UPP2: variants seen among roughly 807,000 people sequenced by gnomAD.
The protein encoded by UPP2 is UPase 2.
Under a neutral mutation model 26.7 loss-of-function variants are expected in UPP2, and 23 were observed. The ratio of observed to expected loss-of-function variants is 0.86; its 90% CI spans 0.62 to 1.22. UPP2 has a LOEUF of 1.22. Ranked by LOEUF, UPP2 falls within the 50% of genes most tolerant of loss-of-function variation. The pLI is 0.00. For missense variants in UPP2, 387 were observed against 396.7 expected, an observed-to-expected ratio of 0.98 and a Z score of 0.21; for synonymous variants, 127 against 141.3, an observed-to-expected ratio of 0.90 and a Z score of 0.72.
chr2:158,087,136 C>G (rs1682830313), intron 3 of UPP2, among the ~76,000 whole-genome samples: 1 of 152,056 alleles, frequency 6.6e-6, no homozygotes, highest in African/African-American at 2.4e-5. Flanking sequence ...TTTCTTAGGT[C>G]TAATAGTAAT....
intron 2 of UPP2, among the ~76,000 whole-genome samples, chr2:158,111,251 T>C (rs944681890): frequency 2.1e-4 from 32 of 152,158 alleles, no homozygotes; most frequent in African/African-American, 7.0e-4. Context: ...TTTCTGACAG[T>C]TTTTGCTTTA....
intron 3 of UPP2, among the ~76,000 whole-genome samples, chr2:158,064,523 C>T (rs1682404925): frequency 8.9e-5 from 1 of 11,290 alleles, no homozygotes; most frequent in South Asian, 1.5e-3. Context: ...AAAATTTTCT[C>T]CCATTCTGTG....
At chr2:158,127,874 T>C (rs1433707372) in intron 6 of UPP2, 1 of 410,538 alleles carries the variant, frequency 2.4e-6, no homozygotes, top group South Asian at 1.0e-4. Context: ...CAGCATAATG[T>C]AAACCTGTTC....
chr2:158,079,856 C>T (rs1287115923), intron 3 of UPP2, among the ~76,000 whole-genome samples: 1 of 152,088 alleles, frequency 6.6e-6, no homozygotes, highest in Admixed American at 6.6e-5. Flanking sequence ...AAATGTAAAG[C>T]TAACTGTATT....
chr2:158,060,324 G>A (rs1269435653), intron 3 of UPP2, among the ~76,000 whole-genome samples: 1 of 152,134 alleles, frequency 6.6e-6, no homozygotes, highest in African/African-American at 2.4e-5. Context: ...TGTCATTTTA[G>A]GTTATTGTGG....
chr2:158,059,554 C>T (rs1250338323), intron 3 of UPP2, among the ~76,000 whole-genome samples: 1 of 152,190 alleles, frequency 6.6e-6, no homozygotes, highest in Admixed American at 6.5e-5. Flanking sequence ...CAAACTTAAG[C>T]ACCTTGCTGG....
chr2:158,055,346 C>T (rs1682230494), intron 3 of UPP2, among the ~76,000 whole-genome samples: 2 of 152,160 alleles, frequency 1.3e-5, no homozygotes, highest in Non-Finnish European at 2.9e-5. Context: ...AGGGCAGAGC[C>T]CTCACCACCC....
chr2:158,035,670 C>A (rs1683990247), intron 3 of UPP2, among the ~76,000 whole-genome samples: 1 of 152,200 alleles, frequency 6.6e-6, no homozygotes, highest in Non-Finnish European at 1.5e-5. Flanking sequence ...TGGGTGTTAT[C>A]AGTTTCTTAC....
intron 2 of UPP2, among the ~76,000 whole-genome samples, chr2:158,108,743 C>A (rs74748580): frequency 2.2e-4 from 34 of 152,200 alleles, no homozygotes; most frequent in African/African-American, 7.5e-4. Flanking sequence ...CACTATCCAA[C>A]CTTATACATT....
chr2:158,006,527 C>T (rs1022434373), intron 2 of UPP2, among the ~76,000 whole-genome samples: 1 of 143,322 alleles, frequency 7.0e-6, no homozygotes, highest in African/African-American at 2.6e-5. Flanking sequence ...TGAAGCAGAA[C>T]ACTCAACATC....
chr2:158,061,973 C>T (rs1033404130), intron 3 of UPP2, among the ~76,000 whole-genome samples: 2 of 152,242 alleles, frequency 1.3e-5, no homozygotes, highest in African/African-American at 4.8e-5. Flanking sequence ...ATCCCTCAGA[C>T]CAAAGCCTGT....
chr2:158,080,804 G>A lies in UPP2; in HGVS notation c.148-21236G>A, dbSNP rs547864981. Among the ~76,000 whole-genome samples, 14 of 152,268 alleles carry A rather than the reference G, an allele frequency of 9.2e-5. No individual in the cohort carries two copies. The South Asian group carries it at 1.7e-3, about 18-fold the overall frequency. On this transcript the variant is annotated intron_variant, in intron 3 of 9. Transcript: ENST00000605860. ...AAGAAGGGATTAAGACAAAGTAGGG[G>A]AGGATTAGAATTAGTGTGGAACATC...
intron 2 of UPP2, among the ~76,000 whole-genome samples, 189 bp from the exon 3 acceptor site, chr2:158,114,912 C>T (rs1255465238): frequency 6.6e-6 from 1 of 152,192 alleles, no homozygotes; most frequent in Non-Finnish European, 1.5e-5. Context: ...GTGCAAAAAA[C>T]TTTGCATCTG....
At chr2:158,070,564 G>A (rs1682522020) in intron 3 of UPP2, among the ~76,000 whole-genome samples, 1 of 152,186 alleles carries the variant, frequency 6.6e-6, no homozygotes, top group Admixed American at 6.5e-5. Context: ...TGCCATGCTG[G>A]CATTTTTCAC....
chr2:158,119,973 T>TGTA (rs1683528444), intron 4 of UPP2, among the ~76,000 whole-genome samples: 1 of 149,422 alleles, frequency 6.7e-6, no homozygotes, highest in Non-Finnish European at 1.5e-5. Context: ...ATCACCCCAC[T>TGTA]ACATTACAGC....
chr2:158,022,362 G>C (rs1207683220), intron 3 of UPP2, among the ~76,000 whole-genome samples: 1 of 151,422 alleles, frequency 6.6e-6, no homozygotes, highest in African/African-American at 2.4e-5. Flanking sequence ...AGGAAGCTGA[G>C]GCAGGAGAAT....
chr2:158,099,451 CT>C (rs1166312799), upstream of UPP2, among the ~76,000 whole-genome samples: 2 of 152,066 alleles, frequency 1.3e-5, no homozygotes, highest in Non-Finnish European at 2.9e-5. Context: ...GATGTGAGGA[CT>C]TTGCTGTGCG....
At chr2:158,098,926 T>G (rs900712240), upstream of UPP2, among the ~76,000 whole-genome samples, 5 of 152,188 alleles carry the variant, frequency 3.3e-5, no homozygotes, top group African/African-American at 1.2e-4. Flanking sequence ...CATAAAAAAT[T>G]GTACACTCTT....
At chr2:158,062,175 T>C (rs1682362750) in intron 3 of UPP2, among the ~76,000 whole-genome samples, 1 of 152,258 alleles carries the variant, frequency 6.6e-6, no homozygotes, top group African/African-American at 2.4e-5. Context: ...TAGAACTTTC[T>C]ATGATGACGG....
Sources: allele counts gnomAD v4.1 joint callset (sites outside exome capture counted in the v4.1 genomes callset), GRCh38; gene constraint gnomAD v4.1.1; transcripts MANE v1.5; gene names NCBI Gene and HGNC (gene_info 2026-07-23, HGNC 2026-07-21).